CCL22: variants seen among roughly 807,000 people sequenced by gnomAD.
CCL22 encodes C-C motif chemokine ligand 22.
A neutral mutation model predicts 7.6 loss-of-function variants in CCL22; 7 were observed. The ratio of observed to expected loss-of-function variants is 0.92; its 90% CI spans 0.52 to 1.72. CCL22 has a LOEUF of 1.72. CCL22 is among the 40% of genes most tolerant of loss of function. The pLI is 0.00. For missense variants in CCL22, 115 were observed against 124.7 expected (o/e 0.92, Z 0.37); for synonymous variants, 55 against 47.2 (o/e 1.17, Z -0.68).
rs2146497020 is a variant in CCL22, at chr16:57,360,628, G to A, written c.197+68G>A. 1.9e-6 allele frequency: 3 copies of A among 1,587,936 alleles called. No homozygotes were observed. In the East Asian group the frequency reaches 6.7e-5, roughly 36 times the overall value. On this transcript the variant is annotated intron_variant, in intron 2 of 2. Coordinates refer to ENST00000219235, the MANE Select transcript of CCL22 (RefSeq NM_002990.5). The stretch of plus-strand genomic sequence containing the variant: ...GGGTACAGCCTGGGATGGCCCAGGT[G>A]CTGGTGGGTGGGACACACCCAGGGA...
At chr16:57,360,323 A>G in intron 1 of CCL22, 114 bp from the exon 2 acceptor site, 1 of 1,304,468 alleles carries the variant, frequency 7.7e-7, no homozygotes, top group Non-Finnish European at 1.1e-6. Context: ...CCACATGAGA[A>G]CAGAAAAACT....
chr16:57,358,552 GATTT>G (rs2146495165), upstream of CCL22, among the ~76,000 whole-genome samples: 1 of 152,314 alleles, frequency 6.6e-6, no homozygotes, highest in East Asian at 1.9e-4. Context: ...CTAAGAGGGG[GATTT>G]TACAAGTCTG....
Position 57,361,767 on chromosome 16 carries a change from G to A in CCL22, c.197+1207G>A, listed in dbSNP as rs376728479. ...CACACCTGGGGAGGCTGGGTTTGGG[G>A]ACTCATGACCCACTTTGGGCCTCTA... On this transcript the variant is annotated intron_variant, in intron 2 of 2. Coordinates refer to ENST00000219235, the MANE Select transcript of CCL22 (RefSeq NM_002990.5). Among the ~76,000 whole-genome samples, 28 of 152,226 alleles carry A rather than the reference G, an allele frequency of 1.8e-4. No homozygotes were observed. The East Asian group carries it at 4.4e-3, about 24-fold the overall frequency.
chr16:57,363,037 G>T (rs576763682), intron 2 of CCL22, among the ~76,000 whole-genome samples: 5 of 151,458 alleles, frequency 3.3e-5, no homozygotes, highest in Non-Finnish European at 5.9e-5. Flanking sequence ...CTGTTGCCTA[G>T]GCTGGAGTAC....
upstream of CCL22, among the ~76,000 whole-genome samples, chr16:57,358,390 G>A (rs1293868822): frequency 1.3e-5 from 2 of 152,170 alleles, no homozygotes; most frequent in Non-Finnish European, 2.9e-5. Flanking sequence ...TCTAGGTGAG[G>A]GTTGGTCCAC....
chr16:57,361,987 A>G (rs1902054849), intron 2 of CCL22, among the ~76,000 whole-genome samples: 1 of 152,240 alleles, frequency 6.6e-6, no homozygotes, highest in South Asian at 2.1e-4. Flanking sequence ...TCAAACACAT[A>G]GAGAGTGCTT....
rs537612901 is a variant in CCL22 at position 57,360,388 on chromosome 16, G to A, written c.74-49G>A. ...GAGATCAGGGGCTGGGGCCGAGGGT[G>A]ACCTCTCTGGGCTCCAGCTTGTGAA... On this transcript the variant is annotated intron_variant, in intron 1 of 2. Transcript: ENST00000219235. 6.6e-5 allele frequency: 95 copies of A among 1,440,892 alleles called. No homozygotes were observed. In the African/African-American group the frequency reaches 1.1e-3, roughly 17 times the overall value. The allele number at this position is 1,440,892 out of a possible 1,614,324, so 89.3% of individuals were successfully genotyped here.
chr16:57,360,465 C>T lies in CCL22; in HGVS notation c.102C>T (p.Ser34=), dbSNP rs1019405233. Residue 34 remains serine (S), a synonymous_variant, in exon 2 of 3, where the codon AGC becomes AGT. Coordinates refer to ENST00000219235, the MANE Select transcript of CCL22 (RefSeq NM_002990.5). ...CCTACGGCGCCAACATGGAAGACAG[C>T]GTCTGCTGCCGTGATTACGTCCGTT... ...AGPYGANMED[S]VCCRDYVRYR... 9 of 1,614,078 alleles carry T rather than the reference C, an allele frequency of 5.6e-6. No individual in the cohort carries two copies. The highest frequency in any genetic ancestry group is 3.3e-5 in the South Asian group (3 of 91,088).
Position 57,365,300 on chromosome 16 carries a change from T to C in CCL22, c.*1712T>C, listed in dbSNP as rs1284485067. Reference sequence around the variant, plus strand: ...CTTAAATAGCTGACAATCAAATTCATGCTATGGTGTGAAAGACTACCTTTG... The same window carrying C: ...CTTAAATAGCTGACAATCAAATTCACGCTATGGTGTGAAAGACTACCTTTG... On this transcript the variant is annotated 3_prime_UTR_variant, in exon 3 of 3. Transcript: ENST00000219235. 6.6e-6 allele frequency: 1 copy of C among 152,228 alleles called. No individual in the cohort carries two copies. The highest frequency in any genetic ancestry group is 1.5e-5 in the Non-Finnish European group (1 of 68,074). 9.4% of individuals were successfully genotyped at this position (152,228 alleles called of 1,614,324 possible).
intron 2 of CCL22, 76 bp downstream of exon 2, chr16:57,360,636 G>A (rs1430565242): frequency 3.2e-6 from 5 of 1,566,804 alleles, no homozygotes; most frequent in African/African-American, 1.3e-5. Flanking sequence ...GTGCTGGTGG[G>A]TGGGACACAC....
chr16:57,363,453 C>CTTG, intron 2 of CCL22, 51 bp from the exon 3 acceptor site: 1 of 1,262,888 alleles, frequency 7.9e-7, no homozygotes, highest in Non-Finnish European at 1.2e-6. Flanking sequence ...GTGTGGCATC[C>CTTG]TTGCTGCGTG....
chr16:57,358,551 G>A (rs1902013272), upstream of CCL22, among the ~76,000 whole-genome samples: 1 of 152,182 alleles, frequency 6.6e-6, no homozygotes, highest in Non-Finnish European at 1.5e-5. Flanking sequence ...TCTAAGAGGG[G>A]GATTTTACAA....
chr16:57,358,786 G>A lies in CCL22; in HGVS notation c.-31G>A. The A allele has an allele frequency of 6.4e-7, 1 of 1,560,058 alleles. No homozygotes were observed. The highest frequency in any genetic ancestry group is 1.1e-5 in the South Asian group (1 of 89,988). ...GCAGGTCTTCCTATGTCCCTTTGCA[G>A]ACACCTGGGCTGAGACATACAGGAC... On this transcript the variant is annotated 5_prime_UTR_variant, in exon 1 of 3. Coordinates refer to ENST00000219235, the MANE Select transcript of CCL22 (RefSeq NM_002990.5).
Position 57,360,530 on chromosome 16 carries a change from C to T in CCL22, c.167C>T (p.Thr56Ile). The change falls in exon 2 of 3, where the codon ACC (threonine) becomes ATC (isoleucine). Residue 56 changes from threonine to isoleucine, a missense_variant. Physicochemically the swap from Thr to Ile is moderately conservative, Grantham distance 89 (BLOSUM62 -1). Transcript: ENST00000219235. Reference protein sequence around the residue: ...PLRVVKHFYWTSDSCPRPGVV... With the variant: ...PLRVVKHFYWISDSCPRPGVV... ...CGCGTGGTGAAACACTTCTACTGGA[C>T]CTCAGACTCCTGCCCGAGGCCTGGC... 6.2e-7 allele frequency: 1 copy of T among 1,614,186 alleles called. No individual in the cohort carries two copies. Among genetic ancestry groups the T allele is most frequent in the Non-Finnish European group, 8.5e-7 (1 of 1,180,028 alleles).
At chr16:57,362,783 C>T (rs1198077580) in intron 2 of CCL22, among the ~76,000 whole-genome samples, 6 of 152,086 alleles carry the variant, frequency 3.9e-5, no homozygotes, top group African/African-American at 1.4e-4. Flanking sequence ...ATCGCCTGAA[C>T]CCAGGAGTTG....
rs1366764084 is a variant in CCL22 at position 57,363,922 on chromosome 16, A to T, written c.*334A>T. On this transcript the variant is annotated 3_prime_UTR_variant, in exon 3 of 3. Transcript: ENST00000219235. ...ATGTGGCCCTCTGGATCTGGGTTCCATCTCTGTCTCCAGCCTGCCCACTTC... is the reference window on the plus strand; with the variant it reads ...ATGTGGCCCTCTGGATCTGGGTTCCTTCTCTGTCTCCAGCCTGCCCACTTC... The T allele has an allele frequency of 2.0e-5, 5 of 251,746 alleles. No homozygotes were observed. The East Asian group carries it at 4.1e-4, about 21-fold the overall frequency. 15.6% of individuals were successfully genotyped at this position (251,746 alleles called of 1,614,324 possible). A position where few individuals can be genotyped will look rare whatever the true frequency, so the allele number is the denominator to read the frequency against.
chr16:57,359,293 T>TTAG (rs1219691089), intron 1 of CCL22, among the ~76,000 whole-genome samples: 1 of 151,950 alleles, frequency 6.6e-6, no homozygotes, highest in East Asian at 1.9e-4. Flanking sequence ...TTTTAAAATG[T>TTAG]TATTATTATT....
chr16:57,360,197 A>C (rs554203632), intron 1 of CCL22, among the ~76,000 whole-genome samples: 42 of 152,208 alleles, frequency 2.8e-4, no homozygotes, highest in Non-Finnish European at 4.9e-4. Flanking sequence ...AGTTGTTCTG[A>C]ATCCCCGCTC....
At chr16:57,358,732 G>T, upstream of CCL22, 1 of 1,011,788 alleles carries the variant, frequency 9.9e-7, no homozygotes, top group Non-Finnish European at 1.6e-6. Flanking sequence ...AGTAAGTGAG[G>T]CTTGTGGGTG....
Sources: allele counts gnomAD v4.1 joint callset (sites outside exome capture counted in the v4.1 genomes callset), GRCh38; gene constraint gnomAD v4.1.1; transcripts MANE v1.5; gene names NCBI Gene and HGNC (gene_info 2026-07-23, HGNC 2026-07-21).